HMGB1: variants seen among roughly 807,000 people sequenced by gnomAD.
HMGB1 encodes high mobility group protein B1.
For missense variants in HMGB1, 79 were observed against 253.5 expected (o/e 0.31, Z 4.67); for synonymous variants, 81 against 84.0 (o/e 0.96, Z 0.19).
intron 1 of HMGB1, among the ~76,000 whole-genome samples, chr13:30,593,497 A>T (rs1023164892): frequency 6.6e-6 from 1 of 152,204 alleles, no homozygotes; most frequent in Non-Finnish European, 1.5e-5. Flanking sequence ...AGTTCACCTC[A>T]ATGCCAAGAC....
rs762001208 is a variant in HMGB1, at chr13:30,461,550, A to G, written c.472-17T>C. On this transcript the variant is annotated splice_polypyrimidine_tract_variant and intron_variant, in intron 4 of 4. Coordinates refer to ENST00000341423, the MANE Select transcript of HMGB1 (RefSeq NM_002128.7). ...AGCAATATCCTTCCAAAGCAAAGGG[A>G]GGATAAAACAGTAGGGAAGAAAAAA... The G allele has an allele frequency of 6.3e-7, 1 of 1,576,752 alleles. No homozygotes were observed. The highest frequency in any genetic ancestry group is 8.6e-7 in the Non-Finnish European group (1 of 1,158,594).
chr13:30,582,742 T>C lies in HMGB1; in HGVS notation c.-15+33929A>G, dbSNP rs78601965. Among the ~76,000 whole-genome samples the C allele has an allele frequency of 3.1e-3, 470 of 152,280 alleles. 2 individuals carry two copies. Among genetic ancestry groups the C allele is most frequent in the Non-Finnish European group, 5.3e-3 (358 of 68,030 alleles). On this transcript the variant is annotated intron_variant, in intron 1 of 4. Coordinates refer to the HMGB1 transcript ENST00000405805. ...TTTAAATCAATTGGTATATTTGTTA[T>C]CTAATATAACCCCACGTAACGACAG...
At chr13:30,512,585 T>C (rs1278064271) in intron 1 of HMGB1, among the ~76,000 whole-genome samples, 1 of 152,240 alleles carries the variant, frequency 6.6e-6, no homozygotes, top group Non-Finnish European at 1.5e-5. Flanking sequence ...CAGATCCCCC[T>C]GCAGACCAAA....
At chr13:30,498,090 C>T (rs150609005) in intron 1 of HMGB1, among the ~76,000 whole-genome samples, 2 of 152,274 alleles carry the variant, frequency 1.3e-5, no homozygotes, top group East Asian at 3.9e-4. Context: ...GTGTAAGCAT[C>T]CCCTTCTCTC....
intron 1 of HMGB1, among the ~76,000 whole-genome samples, chr13:30,586,484 T>TTTG (rs1330729252): frequency 2.1e-5 from 3 of 140,602 alleles, no homozygotes; most frequent in Non-Finnish European, 3.1e-5. Context: ...TTTTTGTTTT[T>TTTG]TTTTTTTTTT....
At chr13:30,467,430 G>A (rs1055889288), upstream of HMGB1, among the ~76,000 whole-genome samples, 10 of 152,076 alleles carry the variant, frequency 6.6e-5, no homozygotes, top group East Asian at 1.9e-3. Flanking sequence ...TTTTAATGTT[G>A]ATTTCTTTTT....
intron 1 of HMGB1, among the ~76,000 whole-genome samples, chr13:30,555,668 C>T (rs1460458634): frequency 3.9e-5 from 6 of 152,038 alleles, no homozygotes; most frequent in Admixed American, 2.0e-4. Context: ...AAAGACAAAC[C>T]GCATTTCCAT....
chr13:30,562,004 GAA>G (rs1259341033), intron 1 of HMGB1, among the ~76,000 whole-genome samples: 3 of 152,142 alleles, frequency 2.0e-5, no homozygotes, highest in Admixed American at 6.5e-5. Context: ...TGGAGTCAGA[GAA>G]AAGAGTGTCT....
chr13:30,486,565 C>T (rs557452213), intron 1 of HMGB1, among the ~76,000 whole-genome samples: 203 of 152,118 alleles, frequency 1.3e-3, no homozygotes, highest in Non-Finnish European at 2.4e-3. Context: ...AAGTATTCCT[C>T]GCCTCTTGGC....
At chr13:30,499,096 G>T (rs2137450210) in intron 1 of HMGB1, among the ~76,000 whole-genome samples, 1 of 152,146 alleles carries the variant, frequency 6.6e-6, no homozygotes, top group Admixed American at 6.5e-5. Context: ...GGGATTACAG[G>T]TGTGCACTAC....
chr13:30,542,304 G>A (rs138452524), intron 1 of HMGB1: 370 of 171,430 alleles, frequency 2.2e-3, no homozygotes, highest in Non-Finnish European at 3.8e-3. Flanking sequence ...GCGAGGCTCC[G>A]TCTCATCCTC....
At position 30,560,954 on chromosome 13, in the gene HMGB1, T is replaced by TC. The variant is rs1474389454; in HGVS notation, c.-15+55716dup. ...CAGGTTATATATGTTTTTTTTTTTT[T>TC]CTCCAACAGCATAAGATAACAGAGC... On this transcript the variant is annotated intron_variant, in intron 1 of 4. Transcript: ENST00000405805. 4.0e-5 allele frequency among the ~76,000 whole-genome samples: 6 copies of TC among 151,842 alleles called. No homozygotes were observed. The East Asian group carries it at 7.8e-4, about 20-fold the overall frequency.
intron 1 of HMGB1, chr13:30,464,261 G>A: frequency 4.1e-6 from 4 of 985,534 alleles, no homozygotes; most frequent in Non-Finnish European, 4.8e-6. Context: ...TTGGGGGGTG[G>A]CGGTGCCACC....
chr13:30,520,394 C>T (rs569267370), intron 1 of HMGB1, among the ~76,000 whole-genome samples: 4 of 149,646 alleles, frequency 2.7e-5, no homozygotes, highest in African/African-American at 7.4e-5. Context: ...CCGAGGCGGG[C>T]GGCTCACTTG....
intron 1 of HMGB1, among the ~76,000 whole-genome samples, chr13:30,494,489 G>A (rs1317258612): frequency 1.3e-5 from 2 of 152,196 alleles, no homozygotes; most frequent in East Asian, 3.9e-4. Context: ...AGCCTCCGGT[G>A]TAGCTGGGAT....
chr13:30,461,884 T>C (rs1406271994), intron 4 of HMGB1, among the ~76,000 whole-genome samples: 1 of 152,122 alleles, frequency 6.6e-6, no homozygotes, highest in Non-Finnish European at 1.5e-5. Context: ...AAAAGCACTC[T>C]ACAGGTTTAC....
chr13:30,465,212 ACCGGGCCGAGGCCGG>A, intron 1 of HMGB1: 2 of 543,208 alleles, frequency 3.7e-6, no homozygotes, highest in Non-Finnish European at 4.5e-6. Context: ...CGCCGCCGCG[ACCGGGCCGAGGCCGG>A]CCGGGCCCGC....
At chr13:30,490,090 CA>C (rs1157996114) in intron 1 of HMGB1, among the ~76,000 whole-genome samples, 1 of 151,514 alleles carries the variant, frequency 6.6e-6, no homozygotes, top group African/African-American at 2.4e-5. Context: ...CTGTCTGCCC[CA>C]AAAGCCTCCA....
At chr13:30,573,351 C>G (rs1870511905) in intron 1 of HMGB1, among the ~76,000 whole-genome samples, 1 of 152,182 alleles carries the variant, frequency 6.6e-6, no homozygotes, top group Non-Finnish European at 1.5e-5. Context: ...ACCAGGATAG[C>G]TTCTCCATAA....
Sources: allele counts gnomAD v4.1 joint callset (sites outside exome capture counted in the v4.1 genomes callset), GRCh38; gene constraint gnomAD v4.1.1; transcripts MANE v1.5; gene names NCBI Gene and HGNC (gene_info 2026-07-23, HGNC 2026-07-21).